ADARB1: variants seen among roughly 807,000 people sequenced by gnomAD.
ADARB1 encodes double-stranded RNA-specific editase 1.
Under a neutral mutation model 52.4 loss-of-function variants are expected in ADARB1, and 10 were observed. The observed-to-expected ratio is 0.19, with a 90% CI of 0.12 to 0.32. The LOEUF is 0.32. ADARB1 is among the 10% of genes least tolerant of loss of function. ADARB1 has a pLI of 1.00. For synonymous variants in ADARB1, 349 were observed against 371.1 expected, an observed-to-expected ratio of 0.94 and a Z score of 0.68; for missense variants, 643 against 922.3, an observed-to-expected ratio of 0.70 and a Z score of 3.92.
At position 45,176,460 on chromosome 21, in the gene ADARB1, C is replaced by A. The variant is rs200567642; in HGVS notation, c.759C>A (p.Ser253=). ...LRPGLKYDFL[S]ESGESHAKSF... Reference sequence around the variant, plus strand: ...CAGGACTCAAGTATGACTTCCTCTCCGAGAGCGGGGAGAGCCATGCCAAGA... The same window carrying A: ...CAGGACTCAAGTATGACTTCCTCTCAGAGAGCGGGGAGAGCCATGCCAAGA... Residue 253 remains serine, a synonymous_variant, in exon 4 of 11, where the codon TCC becomes TCA. Transcript: ENST00000348831. The surrounding 1 kb of genome is among the most constrained non-coding windows in gnomAD (Gnocchi z 5.8). 1 of 1,614,174 alleles carries A rather than the reference C, an allele frequency of 6.2e-7. No homozygotes were observed. Among genetic ancestry groups the A allele is most frequent in the Non-Finnish European group, 8.5e-7 (1 of 1,180,026 alleles).
At chr21:45,101,417 C>T (rs1265476889) in intron 1 of ADARB1, among the ~76,000 whole-genome samples, 1 of 152,238 alleles carries the variant, frequency 6.6e-6, no homozygotes, top group African/African-American at 2.4e-5. Context: ...GACACCTAGG[C>T]TCCCTTCTTT....
intron 3 of ADARB1, among the ~76,000 whole-genome samples, chr21:45,175,016 G>GC (rs1007508634): frequency 1.7e-4 from 26 of 152,150 alleles, no homozygotes; most frequent in African/African-American, 5.8e-4. Flanking sequence ...GACTTAGTCA[G>GC]CCCCCATATA....
At position 45,176,719 on chromosome 21, in the gene ADARB1, T is replaced by A; in HGVS notation, c.963+55T>A. The stretch of plus-strand genomic sequence containing the variant: ...CGGGGTCATTGCTCTTGGTAATGCT[T>A]CTAGACAGCATTTTAGTTTCAGGAT... On this transcript the variant is annotated intron_variant, in intron 4 of 10. Transcript: ENST00000348831. The surrounding 1 kb of genome is among the most constrained non-coding windows in gnomAD (Gnocchi z 5.8). The A allele has an allele frequency of 6.7e-7, 1 of 1,490,628 alleles. No homozygotes were observed. The highest frequency in any genetic ancestry group is 9.1e-7 in the Non-Finnish European group (1 of 1,104,556). The allele number at this position is 1,490,628 out of a possible 1,614,324, so 92.3% of individuals were successfully genotyped here.
In ADARB1 at chr21:45,172,740, C is replaced by T. The variant is rs867841072; in HGVS notation, c.28+1056C>T. 3.3e-5 allele frequency among the ~76,000 whole-genome samples: 5 copies of T among 152,192 alleles called. No individual in the cohort carries two copies. Among genetic ancestry groups the T allele is most frequent in the African/African-American group, 1.2e-4 (5 of 41,428 alleles). Reference sequence around the variant, plus strand: ...CATCTGGGGTGTGAGGGTGAGACCACCTCCTGCAGTGCTACCCAGGAACCA... The same window carrying T: ...CATCTGGGGTGTGAGGGTGAGACCATCTCCTGCAGTGCTACCCAGGAACCA... On this transcript the variant is annotated intron_variant, in intron 3 of 10. Coordinates refer to ENST00000348831, the MANE Select transcript of ADARB1 (RefSeq NM_001112.4). The surrounding 1 kb of genome is among the most constrained non-coding windows in gnomAD (Gnocchi z 4.4).
Position 45,225,656 on chromosome 21 carries a change from A to G in ADARB1, c.*3459A>G. The stretch of plus-strand genomic sequence containing the variant: ...CGGACCTGCCCATGTCTCAAAACAA[A>G]CACATGTACAGTGGCTCTTTTTCCT... On this transcript the variant is annotated 3_prime_UTR_variant, in exon 11 of 11. Transcript: ENST00000348831. 9.4e-7 allele frequency: 1 copy of G among 1,063,772 alleles called. No individual in the cohort carries two copies. Among genetic ancestry groups the G allele is most frequent in the East Asian group, 2.9e-5 (1 of 34,488 alleles). 65.9% of individuals were successfully genotyped at this position (1,063,772 alleles called of 1,614,324 possible). A position where few individuals can be genotyped will look rare whatever the true frequency, so the allele number is the denominator to read the frequency against.
At chr21:45,126,408 C>T (rs2088583231) in intron 1 of ADARB1, among the ~76,000 whole-genome samples, 1 of 152,186 alleles carries the variant, frequency 6.6e-6, no homozygotes, top group Admixed American at 6.5e-5. Flanking sequence ...CTGTCACCTG[C>T]TCCTCTCCAC....
intron 1 of ADARB1, among the ~76,000 whole-genome samples, chr21:45,111,917 G>A (rs2087558156): frequency 6.6e-6 from 1 of 152,208 alleles, no homozygotes; most frequent in Non-Finnish European, 1.5e-5. Flanking sequence ...AGCGTGAGTG[G>A]GTGATGCTGG....
intron 1 of ADARB1, among the ~76,000 whole-genome samples, chr21:45,108,354 A>C (rs967702362): frequency 2.6e-5 from 4 of 152,216 alleles, no homozygotes; most frequent in Admixed American, 6.5e-5. Context: ...GCTATTTCTC[A>C]TGTACGTGCT....
chr21:45,096,986 A>T (rs2086791700), intron 1 of ADARB1, among the ~76,000 whole-genome samples: 1 of 152,118 alleles, frequency 6.6e-6, no homozygotes, highest in South Asian at 2.1e-4. Flanking sequence ...TGATCCACCC[A>T]CCTTGGCCTC....
chr21:45,090,535 G>A (rs1235248908), intron 1 of ADARB1, among the ~76,000 whole-genome samples: 2 of 152,162 alleles, frequency 1.3e-5, no homozygotes, highest in Admixed American at 1.3e-4. Context: ...CCGATGAGCT[G>A]TCAACTGGTT....
chr21:45,179,629 C>T (rs1334380849), intron 4 of ADARB1, among the ~76,000 whole-genome samples: 1 of 152,162 alleles, frequency 6.6e-6, no homozygotes, highest in Non-Finnish European at 1.5e-5. Context: ...TGCAGGTGTT[C>T]CGAACGTCTA....
intron 8 of ADARB1, among the ~76,000 whole-genome samples, chr21:45,199,712 A>G (rs2092507787): frequency 6.6e-6 from 1 of 152,222 alleles, no homozygotes; most frequent in Non-Finnish European, 1.5e-5. Context: ...TTCAGGAATT[A>G]TTTACTATAA....
chr21:45,138,829 C>G (rs1295009420), intron 2 of ADARB1, among the ~76,000 whole-genome samples: 2 of 151,940 alleles, frequency 1.3e-5, no homozygotes, highest in Non-Finnish European at 2.9e-5. Flanking sequence ...GGCGGCCTCT[C>G]AGTTTCCTGC....
At chr21:45,099,890 TG>T (rs1008512478) in intron 1 of ADARB1, among the ~76,000 whole-genome samples, 2 of 152,124 alleles carry the variant, frequency 1.3e-5, no homozygotes, top group African/African-American at 4.8e-5. Context: ...GTGTGCAACT[TG>T]GTGGTGGTGT....
chr21:45,074,822 C>G (rs561929493), intron 1 of ADARB1, 29 bp downstream of exon 1: 4 of 147,556 alleles, frequency 2.7e-5, no homozygotes, highest in Admixed American at 6.7e-5. Flanking sequence ...CGCGGCGGCT[C>G]GGGCGGGCGC....
chr21:45,185,951 TG>T (rs1272575486), intron 8 of ADARB1, among the ~76,000 whole-genome samples: 1 of 152,196 alleles, frequency 6.6e-6, no homozygotes, highest in Non-Finnish European at 1.5e-5. Context: ...TTTCCTTCAG[TG>T]GGTCTTGTCA....
intron 9 of ADARB1, among the ~76,000 whole-genome samples, chr21:45,214,456 C>G (rs571800950): frequency 6.6e-6 from 1 of 152,106 alleles, no homozygotes; most frequent in African/African-American, 2.4e-5. Context: ...AAATATTTGC[C>G]TAAGTCAGTA....
chr21:45,148,692 C>T (rs2145932834), intron 2 of ADARB1, among the ~76,000 whole-genome samples: 1 of 152,300 alleles, frequency 6.6e-6, no homozygotes, highest in South Asian at 2.1e-4. Flanking sequence ...CCTGGCTGCT[C>T]ATGGGCATCA....
intron 9 of ADARB1, among the ~76,000 whole-genome samples, chr21:45,213,366 ATTATCT>A (rs2092805695): frequency 6.6e-6 from 1 of 152,124 alleles, no homozygotes; most frequent in African/African-American, 2.4e-5. Context: ...TTATTTTTAA[ATTATCT>A]TTAGTGTCTT....
Sources: allele counts gnomAD v4.1 joint callset (sites outside exome capture counted in the v4.1 genomes callset), GRCh38; gene constraint gnomAD v4.1.1; non-coding constraint Gnocchi (gnomAD v3.1); transcripts MANE v1.5; gene names NCBI Gene and HGNC (gene_info 2026-07-23, HGNC 2026-07-21).